Variants in KLF12 observed in about 807,000 individuals in gnomAD.
KLF12 encodes Krueppel-like factor 12.
In KLF12, 9 loss-of-function variants were observed where a neutral mutation model predicts 37.8. The ratio of observed to expected loss-of-function variants is 0.24; its 90% confidence interval spans 0.14 to 0.42. The LOEUF is 0.42. Among genes scored for constraint, KLF12 ranks in the 10% least tolerant of loss-of-function variants. KLF12 has a pLI of 1.00. For missense variants in KLF12, 411 were observed against 516.0 expected, an observed-to-expected ratio of 0.80 and a Z score of 1.97; for synonymous variants, 208 against 202.1, an observed-to-expected ratio of 1.03 and a Z score of -0.25.
intron 7 of KLF12, among the ~76,000 whole-genome samples, chr13:73,696,039 C>T (rs373350169): frequency 4.6e-5 from 7 of 152,168 alleles, no homozygotes; most frequent in East Asian, 1.9e-4. Context: ...AGAATTCTTA[C>T]GGTCAAGCAG....
In KLF12 at chr13:73,778,945, T is replaced by A. The variant is rs1281268137; in HGVS notation, c.807-13945A>T. Reference sequence around the variant, plus strand: ...AGAATGTGTGGCAAATATTATAGTTTCATATTTACCAAACAGTGGTGCTGT... The same window carrying A: ...AGAATGTGTGGCAAATATTATAGTTACATATTTACCAAACAGTGGTGCTGT... On this transcript the variant is annotated intron_variant, in intron 5 of 7. Coordinates refer to ENST00000377669, the MANE Select transcript of KLF12 (RefSeq NM_007249.5). 3.3e-5 allele frequency among the ~76,000 whole-genome samples: 5 copies of A among 152,170 alleles called. No individual in the cohort carries two copies. The East Asian group carries it at 9.6e-4, about 29-fold the overall frequency.
At chr13:74,160,291 T>C in the KLF12 span, among the ~76,000 whole-genome samples, 1 of 152,202 alleles carries the variant, frequency 6.6e-6, no homozygotes, top group South Asian at 2.1e-4. Flanking sequence ...GGAGACCTCA[T>C]TGATACACTA....
the KLF12 span, among the ~76,000 whole-genome samples, chr13:74,242,720 C>T: frequency 1.3e-5 from 2 of 152,152 alleles, no homozygotes; most frequent in South Asian, 4.1e-4. Flanking sequence ...AGGGCTTGAG[C>T]ATCCTGCCCA....
chr13:74,037,975 G>A (rs781393582), intron 1 of KLF12, among the ~76,000 whole-genome samples: 1 of 152,230 alleles, frequency 6.6e-6, no homozygotes, highest in Middle Eastern at 3.4e-3. Flanking sequence ...GAAGCCTTGT[G>A]GGCATGGAAC....
rs78258417 is a variant in KLF12, at chr13:73,840,177, T to C, written c.670+5650A>G. Reference sequence around the variant, plus strand: ...GGTCCCTGAGCAGCATTTGATACCATTGACAAGCTGCTCTTGAAAACACGC... The same window carrying C: ...GGTCCCTGAGCAGCATTTGATACCACTGACAAGCTGCTCTTGAAAACACGC... On this transcript the variant is annotated intron_variant, in intron 4 of 7. Transcript: ENST00000377669. Among the ~76,000 whole-genome samples the C allele has an allele frequency of 1.2e-3, 176 of 152,260 alleles. 1 individual carries two copies. The East Asian group carries it at 0.032, about 27-fold the overall frequency.
At chr13:73,972,143 A>G (rs533130776) in intron 2 of KLF12, among the ~76,000 whole-genome samples, 1 of 152,350 alleles carries the variant, frequency 6.6e-6, no homozygotes, top group East Asian at 1.9e-4. Context: ...AAAACATAAT[A>G]TACACGAGTA....
the KLF12 span, among the ~76,000 whole-genome samples, chr13:74,225,386 TGA>T: frequency 6.6e-6 from 1 of 152,202 alleles, no homozygotes; most frequent in African/African-American, 2.4e-5. Flanking sequence ...ATGCTGTTAA[TGA>T]GGACAGTTAT....
the KLF12 span, among the ~76,000 whole-genome samples, chr13:74,222,401 CTT>C: frequency 6.6e-6 from 1 of 152,282 alleles, no homozygotes. Flanking sequence ...ATTCCACAGT[CTT>C]TTACAAAAAG....
intron 2 of KLF12, among the ~76,000 whole-genome samples, chr13:73,993,089 T>C (rs1892015380): frequency 6.6e-6 from 1 of 151,996 alleles, no homozygotes. Flanking sequence ...AAAAATTAGC[T>C]AGGCAACATG....
chr13:73,840,763 A>G (rs1884694213), intron 4 of KLF12, among the ~76,000 whole-genome samples: 11 of 152,096 alleles, frequency 7.2e-5, no homozygotes, highest in Admixed American at 7.2e-4. Context: ...CATATTTAAA[A>G]CAAAACCAAA....
intron 1 of KLF12, among the ~76,000 whole-genome samples, chr13:74,068,025 G>A: frequency 6.6e-6 from 1 of 152,200 alleles, no homozygotes; most frequent in East Asian, 1.9e-4. Flanking sequence ...CATACTGACT[G>A]ATGCACCTGG....
chr13:74,211,569 A>C, the KLF12 span, among the ~76,000 whole-genome samples: 1 of 152,200 alleles, frequency 6.6e-6, no homozygotes, highest in Non-Finnish European at 1.5e-5. Context: ...GTTTAATAAA[A>C]ATTCACAGGA....
intron 2 of KLF12, among the ~76,000 whole-genome samples, chr13:73,961,428 T>C (rs539768745): frequency 9.9e-5 from 15 of 152,094 alleles, no homozygotes; most frequent in Non-Finnish European, 1.8e-4. Context: ...CACAGGCAAA[T>C]ACAGTCCCGA....
At chr13:74,122,736 TTC>T (rs1213451201) in intron 1 of KLF12, among the ~76,000 whole-genome samples, 1 of 152,010 alleles carries the variant, frequency 6.6e-6, no homozygotes, top group Non-Finnish European at 1.5e-5. Flanking sequence ...TGAGAAGGAT[TTC>T]TCTTAGGCAG....
chr13:73,804,918 T>C (rs1882478593), intron 5 of KLF12, among the ~76,000 whole-genome samples: 1 of 152,332 alleles, frequency 6.6e-6, no homozygotes, highest in Non-Finnish European at 1.5e-5. Flanking sequence ...ATGGGAAGCA[T>C]CTAAGAGCAA....
intron 1 of KLF12, among the ~76,000 whole-genome samples, chr13:74,008,679 A>G (rs2138351929): frequency 6.6e-6 from 1 of 152,346 alleles, no homozygotes; most frequent in East Asian, 1.9e-4. Flanking sequence ...TAAGGGGTTG[A>G]AGATCTTTGA....
At chr13:73,916,371 G>C (rs1018684427) in intron 3 of KLF12, among the ~76,000 whole-genome samples, 3 of 152,040 alleles carry the variant, frequency 2.0e-5, no homozygotes, top group Non-Finnish European at 2.9e-5. Flanking sequence ...TTCCAGAACT[G>C]GGATAGAGCA....
At chr13:73,874,873 A>T (rs916370922) in intron 3 of KLF12, among the ~76,000 whole-genome samples, 1 of 152,218 alleles carries the variant, frequency 6.6e-6, no homozygotes, top group African/African-American at 2.4e-5. Context: ...ATATTAACCA[A>T]AGAGAAATTT....
intron 1 of KLF12, among the ~76,000 whole-genome samples, chr13:74,128,918 G>T (rs1346272164): frequency 1.3e-5 from 2 of 151,194 alleles, no homozygotes; most frequent in African/African-American, 4.9e-5. Context: ...GGTGTGTGTG[G>T]GTGGGTTATG....
Sources: gnomAD v4.1 joint callset for allele counts (sites outside exome capture counted in the v4.1 genomes callset) on GRCh38, gnomAD v4.1.1 for gene constraint, MANE v1.5 for transcripts, NCBI Gene and HGNC (gene_info 2026-07-23, HGNC 2026-07-21) for gene names.